ANXA4: variants seen among roughly 807,000 people sequenced by gnomAD.
The protein encoded by ANXA4 is annexin A4.
A neutral mutation model predicts 49.8 loss-of-function variants in ANXA4; 39 were observed. The ratio of observed to expected loss-of-function variants is 0.78; its 90% CI spans 0.61 to 1.02. ANXA4 has a LOEUF of 1.02. Among genes scored for constraint, ANXA4 ranks in the 50% least tolerant of loss-of-function variants. ANXA4 has a pLI of 0.00. For missense variants in ANXA4, 360 were observed against 410.1 expected (o/e 0.88, Z 1.05); for synonymous variants, 134 against 152.5 (o/e 0.88, Z 0.89).
rs993378877 is a variant in ANXA4, at chr2:69,756,168, G to C, written c.-47+13993G>C. ...GCATATCCCTGGCCTTACCTTGTGG[G>C]TTAGGGTTGGTGTAAGTTTGTAGGA... On this transcript the variant is annotated intron_variant, in intron 1 of 12. Transcript: ENST00000394295. Among the ~76,000 whole-genome samples the C allele has an allele frequency of 3.9e-5, 6 of 152,364 alleles. No individual in the cohort carries two copies. In the South Asian group the frequency reaches 1.2e-3, roughly 32 times the overall value.
At chr2:69,674,986 C>T (rs923713920) in intron 2 of ANXA4, among the ~76,000 whole-genome samples, 5 of 150,410 alleles carry the variant, frequency 3.3e-5, no homozygotes, top group African/African-American at 9.8e-5. Flanking sequence ...GCAGTGGCAC[C>T]ATCTCGGCTC....
intron 3 of ANXA4, among the ~76,000 whole-genome samples, chr2:69,803,992 G>A (rs1446047147): frequency 4.0e-5 from 6 of 151,898 alleles, no homozygotes; most frequent in South Asian, 4.2e-4. Context: ...ACAAAAATTC[G>A]CTGGGGGTGG....
intron 2 of ANXA4, among the ~76,000 whole-genome samples, chr2:69,719,767 A>G (rs1378453310): frequency 1.3e-5 from 2 of 152,108 alleles, no homozygotes; most frequent in Admixed American, 6.5e-5. Flanking sequence ...TATTAATTAT[A>G]CAAAAATCAT....
At chr2:69,809,036 T>G (rs1278035600) in intron 6 of ANXA4, 1 of 152,230 alleles carries the variant, frequency 6.6e-6, no homozygotes, top group African/African-American at 2.4e-5. Flanking sequence ...AATAGTATGC[T>G]ATGATCCCAT....
At chr2:69,658,507 A>C (rs1399032248) in intron 2 of ANXA4, among the ~76,000 whole-genome samples, 1 of 152,056 alleles carries the variant, frequency 6.6e-6, no homozygotes, top group Non-Finnish European at 1.5e-5. Flanking sequence ...ATATCAAAAC[A>C]GTTTCACGAA....
At chr2:69,712,029 T>C (rs1678692821) in intron 2 of ANXA4, among the ~76,000 whole-genome samples, 1 of 152,132 alleles carries the variant, frequency 6.6e-6, no homozygotes, top group Admixed American at 6.6e-5. Flanking sequence ...TTTATTTTTA[T>C]TTTTTTCTCT....
intron 2 of ANXA4, among the ~76,000 whole-genome samples, chr2:69,689,697 T>C (rs139365674): frequency 1.2e-4 from 18 of 152,306 alleles, no homozygotes; most frequent in African/African-American, 1.7e-4. Flanking sequence ...TTCCGCCAAC[T>C]CAGAGTGTAC....
At chr2:69,813,920 G>A (rs1207681068) in intron 8 of ANXA4, among the ~76,000 whole-genome samples, 1 of 151,302 alleles carries the variant, frequency 6.6e-6, no homozygotes, top group African/African-American at 2.4e-5. Flanking sequence ...CCACCACCCG[G>A]CTAGTTTTTG....
At position 69,804,559 on chromosome 2, in the gene ANXA4, G is replaced by A. The variant is rs370762736; in HGVS notation, c.124G>A (p.Val42Ile). ...CACCGATGAAGACGCCATTATTAGCGTCCTTGCCTACCGCAACACCGCCCA... is the reference window on the plus strand; with the variant it reads ...CACCGATGAAGACGCCATTATTAGCATCCTTGCCTACCGCAACACCGCCCA... ...LGTDEDAIISVLAYRNTAQRQ... is the reference protein window; with the variant it reads ...LGTDEDAIISILAYRNTAQRQ... The change falls in exon 4 of 13, where the codon GTC becomes ATC. Residue 42 changes from valine (V) to isoleucine (I), a missense_variant. Val to Ile is a conservative substitution (Grantham distance 29, BLOSUM62 3). Coordinates refer to ENST00000394295, the MANE Select transcript of ANXA4 (RefSeq NM_001153.5). 1.8e-4 allele frequency: 285 copies of A among 1,613,772 alleles called. 1 individual carries two copies. Among genetic ancestry groups the A allele is most frequent in the Middle Eastern group, 1.2e-3 (7 of 6,062 alleles).
At chr2:69,804,365 C>T (rs184178004) in intron 3 of ANXA4, among the ~76,000 whole-genome samples, 168 bp from the exon 4 acceptor site, 131 of 152,208 alleles carry the variant, frequency 8.6e-4, no homozygotes, top group Non-Finnish European at 1.6e-3. Flanking sequence ...GGCTAAGTCC[C>T]GAACCTAGCA....
intron 2 of ANXA4, among the ~76,000 whole-genome samples, chr2:69,669,705 G>T (rs1189350420): frequency 6.6e-6 from 1 of 151,958 alleles, no homozygotes; most frequent in Non-Finnish European, 1.5e-5. Context: ...TTTATTGCAG[G>T]ACTGTTCAGC....
At chr2:69,755,213 T>G (rs1670993289) in intron 1 of ANXA4, among the ~76,000 whole-genome samples, 2 of 152,228 alleles carry the variant, frequency 1.3e-5, no homozygotes, top group African/African-American at 4.8e-5. Context: ...AGTTACTGTT[T>G]CACGTGTTCG....
chr2:69,814,342 C>CTTT (rs781253870), intron 8 of ANXA4, among the ~76,000 whole-genome samples: 34,796 of 97,032 alleles, frequency 0.36, 6,806 homozygotes, highest in East Asian at 0.39. Context: ...GTATTTTATT[C>CTTT]TTTTTTTTTT....
In ANXA4 at chr2:69,825,527, CAGA is replaced by C. The variant is rs759278157; in HGVS notation, c.*15_*17del. ...GAGGAGATGATTAAAATAAAAATCC[CAGA>C]AGGACAGGAGGATTCTCAACACTTT... On this transcript the variant is annotated 3_prime_UTR_variant, in exon 13 of 13. Transcript: ENST00000394295. The C allele has an allele frequency of 1.3e-4, 203 of 1,601,158 alleles. 2 individuals carry two copies. Among genetic ancestry groups the C allele is most frequent in the South Asian group, 2.0e-4 (18 of 89,670 alleles).
intron 4 of ANXA4, among the ~76,000 whole-genome samples, chr2:69,806,093 T>C (rs1164296649): frequency 6.6e-6 from 1 of 152,188 alleles, no homozygotes; most frequent in African/African-American, 2.4e-5. Context: ...TTGGGGTATA[T>C]GAAGAAAATC....
At chr2:69,663,160 T>C (rs1676790082) in intron 2 of ANXA4, among the ~76,000 whole-genome samples, 1 of 131,344 alleles carries the variant, frequency 7.6e-6, no homozygotes, top group South Asian at 3.1e-4. Context: ...GCCCAGCTAT[T>C]TTTTTTTGTA....
intron 3 of ANXA4, among the ~76,000 whole-genome samples, chr2:69,723,320 T>A (rs1669870650): frequency 6.6e-6 from 1 of 152,022 alleles, no homozygotes; most frequent in African/African-American, 2.4e-5. Flanking sequence ...GTAATTATAA[T>A]AAGATGTGCT....
At chr2:69,748,905 G>A (rs116750579) in intron 1 of ANXA4, among the ~76,000 whole-genome samples, 5,175 of 152,084 alleles carry the variant, frequency 0.034, 99 homozygotes, top group East Asian at 0.048. Context: ...TAGAGACGAA[G>A]TTTTGCCATG....
intron 1 of ANXA4, among the ~76,000 whole-genome samples, chr2:69,780,251 G>C (rs1229429807): frequency 6.6e-6 from 1 of 152,276 alleles, no homozygotes; most frequent in East Asian, 1.9e-4. Context: ...CTGGAGTGCA[G>C]TGGCATGATC....
Sources: allele counts gnomAD v4.1 joint callset (sites outside exome capture counted in the v4.1 genomes callset), GRCh38; gene constraint gnomAD v4.1.1; transcripts MANE v1.5; gene names NCBI Gene and HGNC (gene_info 2026-07-23, HGNC 2026-07-21).